Variants in FANCC observed in about 807,000 individuals in gnomAD.
FANCC encodes the protein Fanconi anemia group C protein.
In FANCC, 55 loss-of-function variants were observed where a neutral mutation model predicts 71.3. That is an observed-to-expected ratio of 0.77 (90% CI 0.62 to 0.97). FANCC has a LOEUF of 0.97. Among genes scored for constraint, FANCC ranks in the 50% least tolerant of loss-of-function variants. The pLI is 0.00. For missense variants in FANCC, 678 were observed against 670.9 expected (o/e 1.01, Z -0.12); for synonymous variants, 275 against 244.9 (o/e 1.12, Z -1.15).
intron 1 of FANCC, among the ~76,000 whole-genome samples, chr9:95,307,389 G>A (rs1180672617): frequency 2.0e-5 from 3 of 151,970 alleles, no homozygotes; most frequent in Non-Finnish European, 4.4e-5. Flanking sequence ...AAAATCAACA[G>A]AACAAAAAGC....
At chr9:95,101,882 A>C in intron 14 of FANCC, 32 bp from the exon 15 acceptor site, 1 of 1,613,162 alleles carries the variant, frequency 6.2e-7, no homozygotes, top group Non-Finnish European at 8.5e-7. Flanking sequence ...AGGCAAATTA[A>C]AACACTTTCC....
intron 6 of FANCC, among the ~76,000 whole-genome samples, chr9:95,169,345 A>G (rs2135565130): frequency 6.6e-6 from 1 of 152,330 alleles, no homozygotes; most frequent in East Asian, 1.9e-4. Context: ...GAATACAGAA[A>G]TGTGTTATGA....
At chr9:95,258,700 C>A (rs1831825783) in intron 1 of FANCC, among the ~76,000 whole-genome samples, 1 of 152,066 alleles carries the variant, frequency 6.6e-6, no homozygotes, top group Non-Finnish European at 1.5e-5. Context: ...GGCAATCAGG[C>A]AAGATAAAGA....
chr9:95,123,268 C>T, intron 10 of FANCC: 1 of 279,396 alleles, frequency 3.6e-6, no homozygotes, highest in Admixed American at 5.0e-5. Context: ...CATACCACTG[C>T]ACTCCAGCCT....
chr9:95,287,734 C>T (rs1189929767), intron 1 of FANCC, among the ~76,000 whole-genome samples: 1 of 152,230 alleles, frequency 6.6e-6, no homozygotes, highest in Non-Finnish European at 1.5e-5. Flanking sequence ...CAAGTGGAAA[C>T]CATTCAAATT....
chr9:95,218,892 A>G (rs1309566678), intron 4 of FANCC, among the ~76,000 whole-genome samples: 1 of 152,228 alleles, frequency 6.6e-6, no homozygotes, highest in Non-Finnish European at 1.5e-5. Context: ...AAGGATATGC[A>G]GCAACCAAGC....
intron 1 of FANCC, among the ~76,000 whole-genome samples, chr9:95,256,211 G>A (rs749791824): frequency 7.0e-4 from 106 of 152,208 alleles, no homozygotes; most frequent in Admixed American, 3.2e-3. Context: ...GATACTCCTC[G>A]AGAAGAGCAA....
intron 1 of FANCC, among the ~76,000 whole-genome samples, chr9:95,304,370 C>T (rs1366749023): frequency 6.6e-6 from 1 of 151,972 alleles, no homozygotes; most frequent in African/African-American, 2.4e-5. Context: ...TTGTACCTGC[C>T]CAGATTTTCT....
At chr9:95,283,874 T>G (rs950448729) in intron 1 of FANCC, among the ~76,000 whole-genome samples, 1 of 152,226 alleles carries the variant, frequency 6.6e-6, no homozygotes, top group African/African-American at 2.4e-5. Context: ...CTGCCGAAGT[T>G]TGAATCCCTA....
chr9:95,240,256 T>C (rs1320054649), intron 4 of FANCC, among the ~76,000 whole-genome samples: 1 of 152,216 alleles, frequency 6.6e-6, no homozygotes. Flanking sequence ...AATTTTCATT[T>C]CACTACAAAA....
intron 7 of FANCC, among the ~76,000 whole-genome samples, chr9:95,136,606 T>C (rs1827735734): frequency 6.6e-6 from 1 of 152,076 alleles, no homozygotes; most frequent in Non-Finnish European, 1.5e-5. Context: ...CCTGCATCAG[T>C]CTCCCCAGTA....
chr9:95,301,207 A>ACACAC (rs879715650), intron 1 of FANCC, among the ~76,000 whole-genome samples: 4 of 128,114 alleles, frequency 3.1e-5, no homozygotes, highest in Non-Finnish European at 6.7e-5. Flanking sequence ...CACACACACA[A>ACACAC]AATTGTTAAA....
intron 2 of FANCC, among the ~76,000 whole-genome samples, 187 bp downstream of exon 2, chr9:95,248,940 G>C (rs1427226559): frequency 1.3e-5 from 2 of 152,054 alleles, no homozygotes; most frequent in African/African-American, 4.8e-5. Flanking sequence ...AGCTACTCAA[G>C]AAGAAATTAT....
intron 12 of FANCC, among the ~76,000 whole-genome samples, chr9:95,111,947 G>C (rs1254450615): frequency 1.3e-5 from 2 of 152,218 alleles, no homozygotes; most frequent in African/African-American, 4.8e-5. Flanking sequence ...TGACCAACAG[G>C]AATGTGGCAG....
chr9:95,279,459 C>A (rs1833245063), intron 1 of FANCC, among the ~76,000 whole-genome samples: 1 of 150,774 alleles, frequency 6.6e-6, no homozygotes, highest in Non-Finnish European at 1.5e-5. Context: ...TGAGCCATGT[C>A]CATGCCACTG....
At chr9:95,176,428 C>A (rs1826013978) in intron 4 of FANCC, among the ~76,000 whole-genome samples, 1 of 152,226 alleles carries the variant, frequency 6.6e-6, no homozygotes, top group African/African-American at 2.4e-5. Flanking sequence ...CTGTTTGCGA[C>A]CCTGGAGGGC....
At position 95,101,324 on chromosome 9, in the gene FANCC, G is replaced by C; in HGVS notation, c.*383C>G. On this transcript the variant is annotated 3_prime_UTR_variant, in exon 15 of 15. Transcript: ENST00000289081. ...CTCTCTAAATTCTTTAATGGTTCATGACCAAATTCTTGGTTCTAAGACTTT... is the reference window on the plus strand; with the variant it reads ...CTCTCTAAATTCTTTAATGGTTCATCACCAAATTCTTGGTTCTAAGACTTT... The C allele has an allele frequency of 2.8e-6, 1 of 357,676 alleles. No homozygotes were observed. The highest frequency in any genetic ancestry group is 5.2e-6 in the Non-Finnish European group (1 of 191,898). 22.2% of individuals were successfully genotyped at this position (357,676 alleles called of 1,614,324 possible).
rs772303015 is a variant in FANCC, at chr9:95,246,224, G to A, written c.250+1208C>T. On this transcript the variant is annotated intron_variant, in intron 3 of 14. Transcript: ENST00000289081. The stretch of plus-strand genomic sequence containing the variant: ...ATCAAGAACTTGAAGAAGTTTAGGG[G>A]TTGGGGGAAGAGGTATAAGTGGGAA... Among the ~76,000 whole-genome samples, 9 of 152,316 alleles carry A rather than the reference G, an allele frequency of 5.9e-5. No individual in the cohort carries two copies. In the East Asian group the frequency reaches 9.6e-4, roughly 16 times the overall value.
At chr9:95,123,578 C>T (rs1371749261) in intron 10 of FANCC, 1 of 576,842 alleles carries the variant, frequency 1.7e-6, no homozygotes, top group South Asian at 1.4e-5. Flanking sequence ...CCACGTGCAG[C>T]CTATTTGCGA....
Sources: gnomAD v4.1 joint callset for allele counts (sites outside exome capture counted in the v4.1 genomes callset) on GRCh38, gnomAD v4.1.1 for gene constraint, MANE v1.5 for transcripts, NCBI Gene and HGNC (gene_info 2026-07-23, HGNC 2026-07-21) for gene names.